ASMTL: variants seen among roughly 807,000 people sequenced by gnomAD.
The protein encoded by ASMTL is acetylserotonin O-methyltransferase like.
A neutral mutation model predicts 60.3 loss-of-function variants in ASMTL; 57 were observed. The observed-to-expected ratio is 0.95, with a 90% CI of 0.76 to 1.18. ASMTL has a LOEUF of 1.18. Among genes scored for constraint, ASMTL ranks in the 50% most tolerant of loss-of-function variants. The probability of loss-of-function intolerance (pLI) is 0.00; values close to 1 mark genes in which losing one functional copy is unlikely to be tolerated. For synonymous variants in ASMTL, 419 were observed against 373.0 expected, an observed-to-expected ratio of 1.12 and a Z score of -1.42; for missense variants, 981 against 852.6, an observed-to-expected ratio of 1.15 and a Z score of -1.88.
chrX:1,404,401 A>G (rs1326258164), intron 12 of ASMTL, among the ~76,000 whole-genome samples: 1 of 148,812 alleles, frequency 6.7e-6, no homozygotes, highest in Non-Finnish European at 1.5e-5. Flanking sequence ...AGGTAGGTGG[A>G]TGGATGGATG....
chrX:1,417,871 G>C, intron 11 of ASMTL, 102 bp downstream of exon 11: 1 of 1,451,312 alleles, frequency 6.9e-7, no homozygotes, highest in Non-Finnish European at 9.3e-7. Flanking sequence ...CCATGGAAAC[G>C]CCCAGGCAGA....
chrX:1,439,627 T>A (rs1396869589), intron 2 of ASMTL, among the ~76,000 whole-genome samples: 19 of 152,142 alleles, frequency 1.2e-4, no homozygotes, highest in African/African-American at 4.3e-4. Context: ...CGGGCGCATC[T>A]CCTGAGGTCA....
At chrX:1,452,528 A>G (rs2091423028) in intron 1 of ASMTL, among the ~76,000 whole-genome samples, 2 of 113,474 alleles carry the variant, frequency 1.8e-5, no homozygotes, top group African/African-American at 3.5e-5. Flanking sequence ...CCCCATGCCT[A>G]GGGGGTTCCG....
At chrX:1,414,693 G>A (rs1263961616) in intron 11 of ASMTL, among the ~76,000 whole-genome samples, 1 of 152,172 alleles carries the variant, frequency 6.6e-6, no homozygotes, top group East Asian at 1.9e-4. Flanking sequence ...GGGTGACAGA[G>A]CGAGACACCA....
intron 1 of ASMTL, among the ~76,000 whole-genome samples, chrX:1,450,104 C>T (rs1464689111): frequency 6.6e-6 from 1 of 151,572 alleles, no homozygotes; most frequent in East Asian, 1.9e-4. Flanking sequence ...TATCCCATCA[C>T]CAGTAACTAT....
At chrX:1,416,853 AGAC>A (rs1192822269) in intron 11 of ASMTL, among the ~76,000 whole-genome samples, 1 of 151,028 alleles carries the variant, frequency 6.6e-6, no homozygotes, top group Non-Finnish European at 1.5e-5. Flanking sequence ...ATGCACACAC[AGAC>A]ATGTACACAT....
At chrX:1,433,553 G>A (rs1485288776) in intron 5 of ASMTL, among the ~76,000 whole-genome samples, 4 of 149,912 alleles carry the variant, frequency 2.7e-5, no homozygotes, top group Non-Finnish European at 4.5e-5. Context: ...GTGGTGGCGG[G>A]CCCGTCGTCC....
rs1279889985 is a variant in ASMTL, at chrX:1,428,094, C to G, written c.537G>C (p.Gln179His). The G allele has an allele frequency of 6.2e-7, 1 of 1,607,844 alleles. No individual in the cohort carries two copies. The highest frequency in any genetic ancestry group is 1.7e-5 in the Admixed American group (1 of 59,918). ...ACTCCACCAGCATGCCGCCCAGGGCCTGGATCCCGTAGCCGCCAGCTTTGT... is the reference window on the plus strand; with the variant it reads ...ACTCCACCAGCATGCCGCCCAGGGCGTGGATCCCGTAGCCGCCAGCTTTGT... ...PMDKAGGYGIQALGGMLVESV... is the reference protein window; with the variant it reads ...PMDKAGGYGIHALGGMLVESV... The change falls in exon 7 of 13, where the codon CAG becomes CAC. Residue 179 changes from glutamine (Q) to histidine (H), a missense_variant. Transcript: ENST00000381317.
chrX:1,443,085 C>T (rs1290929057), intron 1 of ASMTL, among the ~76,000 whole-genome samples: 2 of 146,462 alleles, frequency 1.4e-5, no homozygotes, highest in African/African-American at 5.4e-5. Context: ...TGGACACACA[C>T]TGCCATCTGG....
At chrX:1,451,709 T>TA (rs1330015637) in intron 1 of ASMTL, among the ~76,000 whole-genome samples, 4 of 140,470 alleles carry the variant, frequency 2.8e-5, no homozygotes, top group African/African-American at 8.1e-5. Context: ...CCCCCATCCC[T>TA]AGGGGTCCCG....
intron 6 of ASMTL, 94 bp from the exon 7 acceptor site, chrX:1,428,215 C>G: frequency 6.8e-7 from 1 of 1,460,718 alleles, no homozygotes; most frequent in Non-Finnish European, 9.2e-7. Context: ...GGGTGGATCA[C>G]GAGGTCGGGA....
chrX:1,446,559 G>A (rs2091235519), intron 1 of ASMTL, among the ~76,000 whole-genome samples: 2 of 150,238 alleles, frequency 1.3e-5, no homozygotes. Flanking sequence ...GAGTGCAGTG[G>A]TGCCATCTCG....
intron 6 of ASMTL, 27 bp downstream of exon 6, chrX:1,432,235 TGTCCCCC>T: frequency 1.3e-6 from 2 of 1,543,294 alleles, no homozygotes; most frequent in Non-Finnish European, 1.8e-6. Context: ...CTTCCACACG[TGTCCCCC>T]GTCCCCCCAC....
At chrX:1,450,065 C>A (rs1200807719) in intron 1 of ASMTL, among the ~76,000 whole-genome samples, 1 of 151,100 alleles carries the variant, frequency 6.6e-6, no homozygotes, top group Non-Finnish European at 1.5e-5. Flanking sequence ...CCTTCCATCA[C>A]CAGTAACTAT....
intron 7 of ASMTL, among the ~76,000 whole-genome samples, chrX:1,427,011 G>A (rs1234139275): frequency 9.1e-6 from 1 of 109,460 alleles, no homozygotes; most frequent in Non-Finnish European, 2.1e-5. Context: ...AAAAAAAAGA[G>A]AAAAAGAAAA....
In ASMTL at chrX:1,412,719, G is replaced by A. The variant is rs374327190; in HGVS notation, c.1645+13C>T. ...TCTTAACAAAAACAGCTAACCTGAC[G>A]ATGGGCTCTCACCTGGCTTGCAGCT... On this transcript the variant is annotated intron_variant, in intron 12 of 12. Coordinates refer to ENST00000381317, the MANE Select transcript of ASMTL (RefSeq NM_004192.4). The A allele has an allele frequency of 1.5e-5, 24 of 1,613,828 alleles. 1 individual carries two copies. In the East Asian group the frequency reaches 2.5e-4, roughly 16 times the overall value.
chrX:1,438,246 G>A (rs1373128719), intron 3 of ASMTL, among the ~76,000 whole-genome samples: 1 of 151,642 alleles, frequency 6.6e-6, no homozygotes, highest in East Asian at 1.9e-4. Flanking sequence ...TCACGCCACT[G>A]TAATCCAGCC....
At chrX:1,408,166 C>T (rs112685504) in intron 12 of ASMTL, among the ~76,000 whole-genome samples, 1 of 73,786 alleles carries the variant, frequency 1.4e-5, no homozygotes, top group African/African-American at 4.6e-5. Context: ...GCAACACTGC[C>T]CTCCAGCCAA....
intron 11 of ASMTL, chrX:1,413,056 T>G: frequency 1.6e-6 from 1 of 617,062 alleles, no homozygotes; most frequent in South Asian, 2.0e-5. Context: ...GTCACGCCCG[T>G]GCGGTTTGAC....
Sources: allele counts gnomAD v4.1 joint callset (sites outside exome capture counted in the v4.1 genomes callset), GRCh38; gene constraint gnomAD v4.1.1; transcripts MANE v1.5; gene names NCBI Gene and HGNC (gene_info 2026-07-23, HGNC 2026-07-21).